PRKN: variants seen among roughly 807,000 people sequenced by gnomAD.
The protein encoded by PRKN is E3 ubiquitin-protein ligase parkin.
Under a neutral mutation model 59.5 loss-of-function variants are expected in PRKN, and 56 were observed. The ratio of observed to expected loss-of-function variants is 0.94; its 90% CI spans 0.76 to 1.18. The LOEUF (loss-of-function observed/expected upper bound fraction) is 1.18, where lower values mean the gene tolerates loss of function less well. PRKN is among the 50% of genes most tolerant of loss of function. The probability of loss-of-function intolerance (pLI) is 0.00; values close to 1 mark genes in which losing one functional copy is unlikely to be tolerated. For missense variants in PRKN, 657 were observed against 596.4 expected, an observed-to-expected ratio of 1.10 and a Z score of -1.06; for synonymous variants, 250 against 222.1, an observed-to-expected ratio of 1.13 and a Z score of -1.12.
At chr6:161,875,378 G>T (rs1794696986) in intron 6 of PRKN, among the ~76,000 whole-genome samples, 1 of 151,438 alleles carries the variant, frequency 6.6e-6, no homozygotes, top group South Asian at 2.1e-4. Flanking sequence ...ATTTTTTGTA[G>T]AGACGGGGTT....
chr6:161,966,330 C>T (rs1405156507), intron 6 of PRKN, among the ~76,000 whole-genome samples: 1 of 151,998 alleles, frequency 6.6e-6, no homozygotes, highest in Non-Finnish European at 1.5e-5. Context: ...TGTATGTTTT[C>T]AATTTTTACC....
intron 9 of PRKN, among the ~76,000 whole-genome samples, chr6:161,469,725 G>A (rs1264558243): frequency 6.6e-6 from 1 of 152,186 alleles, no homozygotes; most frequent in Non-Finnish European, 1.5e-5. Flanking sequence ...ACAGCCTCCA[G>A]AAGGAATGCA....
At chr6:162,068,839 C>A (rs745569150) in intron 4 of PRKN, among the ~76,000 whole-genome samples, 1 of 20,776 alleles carries the variant, frequency 4.8e-5, no homozygotes. Flanking sequence ...GTCACTGGGC[C>A]GGGGGGGTGG....
At chr6:161,957,724 A>C (rs1780235628) in intron 6 of PRKN, among the ~76,000 whole-genome samples, 1 of 151,962 alleles carries the variant, frequency 6.6e-6, no homozygotes, top group African/African-American at 2.4e-5. Context: ...CGCCCAGCCC[A>C]TGTCTTCTCT....
At chr6:162,522,485 C>T (rs145543335) in intron 1 of PRKN, among the ~76,000 whole-genome samples, 319 of 152,328 alleles carry the variant, frequency 2.1e-3, no homozygotes, top group African/African-American at 7.3e-3. Flanking sequence ...TTGGTCTATA[C>T]CATCATGATA....
chr6:161,838,352 G>A (rs1004766947), intron 6 of PRKN, among the ~76,000 whole-genome samples: 1 of 152,178 alleles, frequency 6.6e-6, no homozygotes, highest in Non-Finnish European at 1.5e-5. Context: ...CTCCTTATCA[G>A]GAGGCAGTGT....
rs1290286367 is a variant in PRKN at position 161,498,400 on chromosome 6, C to A, written c.1083+50454G>T. Among the ~76,000 whole-genome samples the A allele has an allele frequency of 6.6e-6, 1 of 152,170 alleles. No homozygotes were observed. The highest frequency in any genetic ancestry group is 1.5e-5 in the Non-Finnish European group (1 of 68,042). On this transcript the variant is annotated intron_variant, in intron 9 of 11. Transcript: ENST00000366898. This position sits in a 1 kb window ranked among gnomAD's most constrained non-coding sequence, Gnocchi z 4.2. ...TCACTCTCTGGTTTGGAATTCAAGCCTCCTCCCAACACACCACATGACCCC... is the reference window on the plus strand; with the variant it reads ...TCACTCTCTGGTTTGGAATTCAAGCATCCTCCCAACACACCACATGACCCC...
At position 161,890,442 on chromosome 6, in the gene PRKN, C is replaced by T. The variant is rs1050568872; in HGVS notation, c.734+82860G>A. ...GATTTCAGACTCTGGGGTTCCACAA[C>T]GGAGACGAGAGCAAAAGGATGTAGT... On this transcript the variant is annotated intron_variant, in intron 6 of 11. Coordinates refer to ENST00000366898, the MANE Select transcript of PRKN (RefSeq NM_004562.3). 1.2e-4 allele frequency among the ~76,000 whole-genome samples: 18 copies of T among 152,268 alleles called. 1 individual carries two copies. The highest frequency in any genetic ancestry group is 4.1e-4 in the South Asian group (2 of 4,824).
chr6:161,628,932 T>C (rs143778825), intron 7 of PRKN, among the ~76,000 whole-genome samples: 2 of 152,244 alleles, frequency 1.3e-5, no homozygotes, highest in Non-Finnish European at 2.9e-5. Flanking sequence ...CAGCTTTAAT[T>C]AAGTAATTTA....
At chr6:162,055,902 C>A (rs1394761845) in intron 4 of PRKN, among the ~76,000 whole-genome samples, 1 of 150,994 alleles carries the variant, frequency 6.6e-6, no homozygotes. Flanking sequence ...TGCAGGAGTG[C>A]TCCCTCCCTC....
intron 9 of PRKN, among the ~76,000 whole-genome samples, chr6:161,455,780 T>A (rs1299321236): frequency 2.0e-5 from 3 of 148,980 alleles, no homozygotes; most frequent in African/African-American, 7.5e-5. Context: ...AGGGAATCTC[T>A]CGAACCCGGG....
At chr6:162,433,218 T>C (rs1386785125) in intron 2 of PRKN, among the ~76,000 whole-genome samples, 1 of 152,214 alleles carries the variant, frequency 6.6e-6, no homozygotes, top group Non-Finnish European at 1.5e-5. Context: ...TAAAATTTCA[T>C]ATAACACTCA....
At chr6:161,702,363 G>C (rs2128179354) in intron 7 of PRKN, among the ~76,000 whole-genome samples, 1 of 152,338 alleles carries the variant, frequency 6.6e-6, no homozygotes, top group South Asian at 2.1e-4. Flanking sequence ...GCCTTGAAAA[G>C]AGGGAAATTC....
chr6:162,497,071 TTG>T (rs1793099616), intron 1 of PRKN, among the ~76,000 whole-genome samples: 1 of 152,230 alleles, frequency 6.6e-6, no homozygotes, highest in Non-Finnish European at 1.5e-5. Context: ...TAATGGCTAA[TTG>T]TATAAATTCT....
chr6:162,104,154 A>T (rs184370786), intron 4 of PRKN, among the ~76,000 whole-genome samples: 1 of 152,132 alleles, frequency 6.6e-6, no homozygotes, highest in East Asian at 1.9e-4. Context: ...TGTGCCCTGC[A>T]CTCCTCATCT....
chr6:162,645,771 G>A (rs552286729), intron 1 of PRKN, among the ~76,000 whole-genome samples: 3 of 151,604 alleles, frequency 2.0e-5, no homozygotes, highest in South Asian at 4.2e-4. Context: ...CGTACTCTAC[G>A]TGTCTTCTCA....
chr6:162,472,646 C>T (rs1231470698), intron 1 of PRKN, among the ~76,000 whole-genome samples: 1 of 125,796 alleles, frequency 7.9e-6, no homozygotes, highest in Non-Finnish European at 1.7e-5. Flanking sequence ...CGCCACCACG[C>T]CCGGCTAATT....
At position 161,544,185 on chromosome 6, in the gene PRKN, T is replaced by C. The variant is rs1372084963; in HGVS notation, c.1083+4669A>G. Among the ~76,000 whole-genome samples the C allele has an allele frequency of 1.3e-5, 2 of 152,218 alleles. No homozygotes were observed. The highest frequency in any genetic ancestry group is 2.9e-5 in the Non-Finnish European group (2 of 68,046). ...ATTTTACATATCAGAATGTACTCTT[T>C]ACTTGGCCGTGTATGTAGCCTTTGA... On this transcript the variant is annotated intron_variant, in intron 9 of 11. Coordinates refer to ENST00000366898, the MANE Select transcript of PRKN (RefSeq NM_004562.3). The surrounding 1 kb of genome is among the most constrained non-coding windows in gnomAD (Gnocchi z 5.5).
chr6:161,605,888 T>C (rs73782953), intron 7 of PRKN, among the ~76,000 whole-genome samples: 12,949 of 152,048 alleles, frequency 0.085, 1,871 homozygotes, highest in African/African-American at 0.3. Flanking sequence ...AAGCATCCTA[T>C]GGTATCAGCC....
Sources: allele counts gnomAD v4.1 joint callset (sites outside exome capture counted in the v4.1 genomes callset), GRCh38; gene constraint gnomAD v4.1.1; non-coding constraint Gnocchi (gnomAD v3.1); transcripts MANE v1.5; gene names NCBI Gene and HGNC (gene_info 2026-07-23, HGNC 2026-07-21).